Variants in MAPKAP1 observed in about 807,000 individuals in gnomAD.
MAPKAP1 encodes MAPK associated protein 1.
A neutral mutation model predicts 65.7 loss-of-function variants in MAPKAP1; 20 were observed. The observed-to-expected ratio is 0.30, with a 90% CI of 0.21 to 0.44. The LOEUF is 0.44. Ranked by LOEUF, MAPKAP1 falls within the 20% of genes least tolerant of loss-of-function variation. MAPKAP1 has a pLI of 1.00. For synonymous variants in MAPKAP1, 222 were observed against 244.3 expected (o/e 0.91, Z 0.85); for missense variants, 423 against 648.0 (o/e 0.65, Z 3.77).
intron 4 of MAPKAP1, among the ~76,000 whole-genome samples, chr9:125,628,442 C>T (rs1833177370): frequency 6.6e-6 from 1 of 152,130 alleles, no homozygotes; most frequent in South Asian, 2.1e-4. Flanking sequence ...CATTATAAGT[C>T]ACTTAAGACA....
In MAPKAP1 at chr9:125,439,682, C is replaced by T. The variant is rs140970649; in HGVS notation, c.1444-670G>A. On this transcript the variant is annotated intron_variant, in intron 11 of 11. Coordinates refer to ENST00000265960, the MANE Select transcript of MAPKAP1 (RefSeq NM_001006617.3). This position sits in a 1 kb window ranked among gnomAD's most constrained non-coding sequence, Gnocchi z 4.0. ...CTGGGCTCCTCTCAGGCCTTCTGCA[C>T]GCTGCTGCTTCCACGAAGCCCTGGG... Among the ~76,000 whole-genome samples, 633 of 152,374 alleles carry T rather than the reference C, an allele frequency of 4.2e-3. 4 individuals carry two copies. The highest frequency in any genetic ancestry group is 0.014 in the African/African-American group (595 of 41,594).
intron 5 of MAPKAP1, among the ~76,000 whole-genome samples, chr9:125,577,361 G>A (rs891619366): frequency 1.4e-4 from 21 of 150,626 alleles, no homozygotes; most frequent in Non-Finnish European, 1.9e-4. Flanking sequence ...GTCTCCGCCC[G>A]GCAGCCACCC....
intron 7 of MAPKAP1, among the ~76,000 whole-genome samples, chr9:125,532,876 T>C (rs1004255488): frequency 1.3e-5 from 2 of 152,248 alleles, no homozygotes; most frequent in Non-Finnish European, 2.9e-5. Context: ...AACATTTAAC[T>C]AAAAATCTGT....
intron 7 of MAPKAP1, among the ~76,000 whole-genome samples, chr9:125,536,077 T>C (rs1830065744): frequency 6.6e-6 from 1 of 152,220 alleles, no homozygotes; most frequent in Non-Finnish European, 1.5e-5. Flanking sequence ...TTTTCTGAGG[T>C]GGCAGTTGCG....
chr9:125,673,783 T>C (rs1203501825), intron 1 of MAPKAP1, among the ~76,000 whole-genome samples: 1 of 151,522 alleles, frequency 6.6e-6, no homozygotes, highest in East Asian at 1.9e-4. Context: ...TAATAATTAT[T>C]ATTTTTTAAT....
intron 5 of MAPKAP1, among the ~76,000 whole-genome samples, chr9:125,583,566 A>C: frequency 6.6e-6 from 1 of 152,216 alleles, no homozygotes; most frequent in East Asian, 1.9e-4. Context: ...GAAGAGATGG[A>C]GCTCTGGAGT....
At chr9:125,612,327 T>C (rs1832624070) in intron 4 of MAPKAP1, among the ~76,000 whole-genome samples, 1 of 152,198 alleles carries the variant, frequency 6.6e-6, no homozygotes, top group African/African-American at 2.4e-5. Flanking sequence ...AAAGGTGACC[T>C]ATATTAATGG....
intron 7 of MAPKAP1, among the ~76,000 whole-genome samples, chr9:125,540,260 CA>C (rs1830203451): frequency 6.6e-6 from 1 of 152,154 alleles, no homozygotes; most frequent in South Asian, 2.1e-4. Context: ...GACAAGAGAG[CA>C]AACATTAGGA....
At chr9:125,625,228 A>T (rs1340673037) in intron 4 of MAPKAP1, among the ~76,000 whole-genome samples, 1 of 75,672 alleles carries the variant, frequency 1.3e-5, no homozygotes, top group Admixed American at 1.6e-4. Flanking sequence ...ACACCCAAGA[A>T]TTATCAATAA....
intron 1 of MAPKAP1, among the ~76,000 whole-genome samples, chr9:125,700,744 T>A (rs934930876): frequency 6.6e-6 from 1 of 152,222 alleles, no homozygotes; most frequent in Non-Finnish European, 1.5e-5. Context: ...GTTATTTCCT[T>A]ATACAATAGA....
chr9:125,450,289 A>C (rs1197346976), intron 10 of MAPKAP1, among the ~76,000 whole-genome samples: 1 of 152,132 alleles, frequency 6.6e-6, no homozygotes, highest in Non-Finnish European at 1.5e-5. Context: ...TCTTTTCCTT[A>C]TTAAAAATAC....
At chr9:125,532,419 G>C (rs1829959322) in intron 7 of MAPKAP1, among the ~76,000 whole-genome samples, 1 of 152,184 alleles carries the variant, frequency 6.6e-6, no homozygotes, top group Non-Finnish European at 1.5e-5. Context: ...AAAAAGAAAA[G>C]TAAGGACACA....
At chr9:125,706,139 G>C (rs1397398788) in intron 1 of MAPKAP1, among the ~76,000 whole-genome samples, 4 of 152,148 alleles carry the variant, frequency 2.6e-5, no homozygotes, top group Non-Finnish European at 5.9e-5. Flanking sequence ...TAGGTACCTT[G>C]TGTGGGCTCA....
At chr9:125,559,873 G>A in intron 5 of MAPKAP1, 64 bp from the exon 6 acceptor site, 2 of 1,510,648 alleles carry the variant, frequency 1.3e-6, no homozygotes, top group Non-Finnish European at 1.8e-6. Context: ...AGACCAGAGG[G>A]TATGGTGCAC....
At chr9:125,466,805 C>T (rs370777439) in intron 10 of MAPKAP1, among the ~76,000 whole-genome samples, 2 of 152,164 alleles carry the variant, frequency 1.3e-5, no homozygotes, top group East Asian at 3.9e-4. Context: ...AAGCTGTAGG[C>T]GAATGAGCTG....
At chr9:125,444,899 C>G (rs925643113) in intron 10 of MAPKAP1, among the ~76,000 whole-genome samples, 1 of 152,106 alleles carries the variant, frequency 6.6e-6, no homozygotes, top group Admixed American at 6.5e-5. Context: ...CAAAAGGTGG[C>G]GTTTTTAAGG....
intron 10 of MAPKAP1, among the ~76,000 whole-genome samples, chr9:125,462,694 A>C (rs1853543945): frequency 6.6e-6 from 1 of 152,220 alleles, no homozygotes; most frequent in African/African-American, 2.4e-5. Context: ...CATTCTTAAT[A>C]CTGGTCTTTC....
chr9:125,516,545 G>C (rs1162536638), intron 7 of MAPKAP1, among the ~76,000 whole-genome samples: 2 of 152,184 alleles, frequency 1.3e-5, no homozygotes, highest in Non-Finnish European at 2.9e-5. Context: ...AAGGCCACAG[G>C]CTCTCAATAT....
At chr9:125,478,756 T>C (rs1854198800) in intron 9 of MAPKAP1, among the ~76,000 whole-genome samples, 1 of 152,182 alleles carries the variant, frequency 6.6e-6, no homozygotes, top group South Asian at 2.1e-4. Context: ...GACTGAGGTG[T>C]GGGAGAGTTG....
Sources: allele counts gnomAD v4.1 joint callset (sites outside exome capture counted in the v4.1 genomes callset), GRCh38; gene constraint gnomAD v4.1.1; non-coding constraint Gnocchi (gnomAD v3.1); transcripts MANE v1.5; gene names NCBI Gene and HGNC (gene_info 2026-07-23, HGNC 2026-07-21).